CHST9: variants seen among roughly 807,000 people sequenced by gnomAD.
CHST9 encodes the protein carbohydrate sulfotransferase 9, also known as GalNAc-4-sulfotransferase 2.
Under a neutral mutation model 44.4 loss-of-function variants are expected in CHST9, and 41 were observed. The observed-to-expected ratio is 0.92, with a 90% CI of 0.72 to 1.20. The LOEUF (loss-of-function observed/expected upper bound fraction) is 1.20. Ranked by LOEUF, CHST9 falls within the 50% of genes most tolerant of loss-of-function variation. The probability of loss-of-function intolerance (pLI) is 0.00; values close to 1 mark genes in which losing one functional copy is unlikely to be tolerated. For missense variants in CHST9, 504 were observed against 516.5 expected, an observed-to-expected ratio of 0.98 and a Z score of 0.23; for synonymous variants, 171 against 178.4, an observed-to-expected ratio of 0.96 and a Z score of 0.33.
At position 26,909,375 on chromosome 18, in the gene CHST9, T is replaced by C. The variant is rs1270935525; in HGVS notation, c.*6884A>G. 2.0e-5 allele frequency: 3 copies of C among 152,202 alleles called. No homozygotes were observed. Among genetic ancestry groups the C allele is most frequent in the Non-Finnish European group, 2.9e-5 (2 of 68,040 alleles). The allele number at this position is 152,202 out of a possible 1,614,324, so 9.4% of individuals were successfully genotyped here. On this transcript the variant is annotated 3_prime_UTR_variant, in exon 6 of 6. Transcript: ENST00000618847. ...AAAGGAAATTTTCAGGTGGTTTTCATAGAGATTCCAATTCTGTGTATCTTG... is the reference window on the plus strand; with the variant it reads ...AAAGGAAATTTTCAGGTGGTTTTCACAGAGATTCCAATTCTGTGTATCTTG...
chr18:27,137,994 G>A (rs912933055), intron 2 of CHST9, among the ~76,000 whole-genome samples: 1 of 152,086 alleles, frequency 6.6e-6, no homozygotes, highest in African/African-American at 2.4e-5. Context: ...TCCTCTGCAC[G>A]CTTTCACCTG....
rs111232957 is a variant in CHST9 at position 26,909,325 on chromosome 18, G to A, written c.*6934C>T. The A allele has an allele frequency of 3.3e-5, 5 of 152,244 alleles. No homozygotes were observed. Among genetic ancestry groups the A allele is most frequent in the African/African-American group, 9.6e-5 (4 of 41,554 alleles). 9.4% of individuals were successfully genotyped at this position (152,244 alleles called of 1,614,324 possible). ...GGACTTAAAAAATTCACACACACAC[G>A]AGAAGTACCCCAAGAGATTATTAAA... is the stretch of plus-strand genomic sequence containing the variant. On this transcript the variant is annotated 3_prime_UTR_variant, in exon 6 of 6. Coordinates refer to ENST00000618847, the MANE Select transcript of CHST9 (RefSeq NM_031422.6).
chr18:27,160,527 G>A (rs1296666605), intron 1 of CHST9, among the ~76,000 whole-genome samples: 6 of 152,138 alleles, frequency 3.9e-5, no homozygotes, highest in Admixed American at 2.0e-4. Flanking sequence ...TTTTATTGAG[G>A]ATTTTTGCAT....
At chr18:27,030,938 A>G (rs1057241390) in intron 3 of CHST9, among the ~76,000 whole-genome samples, 22 of 150,374 alleles carry the variant, frequency 1.5e-4, no homozygotes, top group African/African-American at 5.1e-4. Context: ...CAAACAAACA[A>G]GCTCTTCATT....
At chr18:27,137,553 T>A (rs1207157883) in intron 2 of CHST9, among the ~76,000 whole-genome samples, 1 of 151,988 alleles carries the variant, frequency 6.6e-6, no homozygotes, top group East Asian at 1.9e-4. Context: ...GAATGGAGAA[T>A]GAGGCTGAGG....
At chr18:27,066,910 T>C (rs2057787410) in intron 2 of CHST9, among the ~76,000 whole-genome samples, 1 of 152,204 alleles carries the variant, frequency 6.6e-6, no homozygotes, top group Admixed American at 6.6e-5. Context: ...TAAATATCTT[T>C]GTCTTACTAG....
intron 2 of CHST9, among the ~76,000 whole-genome samples, chr18:27,121,379 C>T (rs1480198273): frequency 3.3e-5 from 5 of 152,086 alleles, no homozygotes; most frequent in Non-Finnish European, 5.9e-5. Flanking sequence ...ACTGCCCCTA[C>T]TCCCCCTCCC....
At chr18:27,085,430 A>T (rs553016241) in intron 2 of CHST9, among the ~76,000 whole-genome samples, 6 of 152,296 alleles carry the variant, frequency 3.9e-5, no homozygotes, top group Admixed American at 3.3e-4. Flanking sequence ...ACAACCAAAA[A>T]ACAAATAACT....
At chr18:27,059,004 A>G (rs780267533) in intron 2 of CHST9, among the ~76,000 whole-genome samples, 4 of 151,854 alleles carry the variant, frequency 2.6e-5, no homozygotes, top group African/African-American at 4.8e-5. Flanking sequence ...CTTCTTTCCT[A>G]AGAGGGTTTG....
intron 4 of CHST9, among the ~76,000 whole-genome samples, chr18:26,974,818 C>T (rs568501397): frequency 2.6e-5 from 4 of 152,192 alleles, no homozygotes; most frequent in African/African-American, 4.8e-5. Context: ...GGATTACAGG[C>T]GTGTGCCACC....
intron 2 of CHST9, among the ~76,000 whole-genome samples, chr18:27,057,970 C>T (rs938224572): frequency 3.3e-5 from 5 of 152,196 alleles, no homozygotes; most frequent in African/African-American, 4.8e-5. Flanking sequence ...TTTCAGATTC[C>T]CAACATTGGT....
chr18:26,943,807 A>T (rs1161595871), intron 5 of CHST9, among the ~76,000 whole-genome samples: 2 of 152,246 alleles, frequency 1.3e-5, no homozygotes, highest in African/African-American at 2.4e-5. Context: ...AGAAGATGGG[A>T]TAAGAAAACC....
At chr18:26,988,559 T>C (rs1168918975) in intron 4 of CHST9, among the ~76,000 whole-genome samples, 1 of 152,132 alleles carries the variant, frequency 6.6e-6, no homozygotes, top group Non-Finnish European at 1.5e-5. Flanking sequence ...CAAAAACTGA[T>C]AGGGCACCAT....
rs116012373 is a variant in CHST9, at chr18:27,174,551, A to C, written c.-97+10585T>G. 4.9e-3 allele frequency among the ~76,000 whole-genome samples: 741 copies of C among 152,044 alleles called. 6 individuals carry two copies. Among genetic ancestry groups the C allele is most frequent in the African/African-American group, 0.017 (719 of 41,518 alleles). ...TGTCCCCCCTTTTCAATTAATAAGC[A>C]ATCTGTAGGGTGACATGAAGAGATA... On this transcript the variant is annotated intron_variant, in intron 1 of 5. Coordinates refer to ENST00000618847, the MANE Select transcript of CHST9 (RefSeq NM_031422.6).
chr18:27,107,781 C>T (rs113961273), intron 2 of CHST9, among the ~76,000 whole-genome samples: 6 of 152,118 alleles, frequency 3.9e-5, no homozygotes, highest in African/African-American at 1.4e-4. Flanking sequence ...TGATAAATAC[C>T]TATCTCCAGA....
At chr18:27,025,435 T>C (rs389775) in intron 3 of CHST9, among the ~76,000 whole-genome samples, 6 of 152,014 alleles carry the variant, frequency 3.9e-5, no homozygotes, top group Non-Finnish European at 8.8e-5. Context: ...AAAAATCTTA[T>C]TGGTACTTGT....
At chr18:27,002,439 A>C (rs1327771169) in intron 4 of CHST9, among the ~76,000 whole-genome samples, 1 of 152,152 alleles carries the variant, frequency 6.6e-6, no homozygotes, top group Admixed American at 6.5e-5. Flanking sequence ...ATGATTTTTC[A>C]GTTTTACAGT....
At chr18:27,067,709 A>T (rs2057796913) in intron 2 of CHST9, among the ~76,000 whole-genome samples, 1 of 152,088 alleles carries the variant, frequency 6.6e-6, no homozygotes, top group East Asian at 1.9e-4. Context: ...GAGTTTTAGA[A>T]TGTTAAACCT....
chr18:27,078,692 G>T (rs2057931447), intron 2 of CHST9, among the ~76,000 whole-genome samples: 1 of 152,026 alleles, frequency 6.6e-6, no homozygotes, highest in Non-Finnish European at 1.5e-5. Context: ...CACTACATTG[G>T]ACTGTCTCTT....
Sources: gnomAD v4.1 joint callset for allele counts (sites outside exome capture counted in the v4.1 genomes callset) on GRCh38, gnomAD v4.1.1 for gene constraint, MANE v1.5 for transcripts, NCBI Gene and HGNC (gene_info 2026-07-23, HGNC 2026-07-21) for gene names.